Variants in DNM3 observed in about 807,000 individuals in gnomAD.
The protein encoded by DNM3 is dynamin-3.
DNM3 carries 47 observed loss-of-function variants against 101.6 expected under a neutral mutation model. That is an observed-to-expected ratio of 0.46 (90% CI 0.37 to 0.59). The LOEUF (loss-of-function observed/expected upper bound fraction) is 0.59, where lower values mean the gene tolerates loss of function less well. Ranked by LOEUF, DNM3 falls within the 20% of genes least tolerant of loss-of-function variation. The pLI is 0.00. For synonymous variants in DNM3, 385 were observed against 387.9 expected (o/e 0.99, Z 0.09); for missense variants, 849 against 1,085.7 (o/e 0.78, Z 3.06).
intron 17 of DNM3, among the ~76,000 whole-genome samples, chr1:172,328,416 C>A (rs181119276): frequency 2.2e-4 from 33 of 152,242 alleles, no homozygotes; most frequent in Non-Finnish European, 7.4e-5. Context: ...AAATGTGGCA[C>A]ATATACACCA....
chr1:172,160,406 A>G (rs1281211217), intron 14 of DNM3, among the ~76,000 whole-genome samples: 1 of 151,996 alleles, frequency 6.6e-6, no homozygotes, highest in African/African-American at 2.4e-5. Context: ...TCCTTATTCT[A>G]TATTCTTTTT....
chr1:172,249,353 G>T (rs1222045798), intron 14 of DNM3, among the ~76,000 whole-genome samples: 1 of 152,088 alleles, frequency 6.6e-6, no homozygotes, highest in Non-Finnish European at 1.5e-5. Context: ...ACTACTCATT[G>T]TTCAGTTACT....
chr1:172,226,538 G>A (rs2061128974), intron 14 of DNM3, among the ~76,000 whole-genome samples: 2 of 152,174 alleles, frequency 1.3e-5, no homozygotes, highest in African/African-American at 2.4e-5. Flanking sequence ...GGACCCTGGA[G>A]CCTGCTCCCT....
At chr1:172,115,899 C>T (rs557612209) in intron 13 of DNM3, among the ~76,000 whole-genome samples, 1 of 152,052 alleles carries the variant, frequency 6.6e-6, no homozygotes, top group South Asian at 2.1e-4. Context: ...TGGTTATTGT[C>T]TATTGCTGAA....
intron 1 of DNM3, among the ~76,000 whole-genome samples, chr1:171,915,184 G>T (rs540890987): frequency 6.6e-6 from 1 of 152,324 alleles, no homozygotes; most frequent in South Asian, 2.1e-4. Context: ...CTATGCCTCT[G>T]ATGTAGGGTT....
intron 14 of DNM3, among the ~76,000 whole-genome samples, chr1:172,174,058 A>G (rs181895397): frequency 6.6e-6 from 1 of 151,874 alleles, no homozygotes; most frequent in African/African-American, 2.4e-5. Context: ...TGTTAATAAT[A>G]GTATGTCATA....
chr1:172,245,320 T>C (rs1192603757), intron 14 of DNM3, among the ~76,000 whole-genome samples: 2 of 152,132 alleles, frequency 1.3e-5, no homozygotes, highest in African/African-American at 4.8e-5. Context: ...AGGCAGAGCA[T>C]AGACACACTT....
At chr1:171,891,256 C>T (rs952499297) in intron 1 of DNM3, among the ~76,000 whole-genome samples, 20 of 151,844 alleles carry the variant, frequency 1.3e-4, no homozygotes, top group Admixed American at 6.6e-4. Context: ...ATACAGTAAA[C>T]ATCACAGCTT....
downstream of DNM3, among the ~76,000 whole-genome samples, chr1:172,414,900 TCTA>T (rs1404528548): frequency 2.8e-5 from 1 of 36,246 alleles, no homozygotes; most frequent in Non-Finnish European, 6.6e-5. Flanking sequence ...AGACCTCATC[TCTA>T]AAAAAAAAAA....
At position 171,885,257 on chromosome 1, in the gene DNM3, T is replaced by G. The variant is rs75310518; in HGVS notation, c.162-36491T>G. 4.8e-3 allele frequency among the ~76,000 whole-genome samples: 735 copies of G among 152,248 alleles called. 1 individual carries two copies. Among genetic ancestry groups the G allele is most frequent in the Middle Eastern group, 0.044 (13 of 294 alleles). ...AGATTGTTTTACGGAAAAATAAAAT[T>G]TCTTACCTCCTAAGCAAAACATCAA... On this transcript the variant is annotated intron_variant, in intron 1 of 20. Coordinates refer to ENST00000627582, the MANE Select transcript of DNM3 (RefSeq NM_015569.5).
chr1:172,379,233 G>C, intron 18 of DNM3, 51 bp downstream of exon 18: 1 of 1,416,670 alleles, frequency 7.1e-7, no homozygotes, highest in Non-Finnish European at 9.6e-7. Flanking sequence ...TCCGAGTGTG[G>C]AAGTTGCACA....
At chr1:172,232,714 A>G (rs1403192642) in intron 14 of DNM3, among the ~76,000 whole-genome samples, 1 of 152,240 alleles carries the variant, frequency 6.6e-6, no homozygotes, top group Non-Finnish European at 1.5e-5. Flanking sequence ...CAATCAAGCT[A>G]GAACTCAGGA....
In DNM3 at chr1:172,403,415, G is replaced by T. The variant is rs552561942; in HGVS notation, c.2523-4357G>T. On this transcript the variant is annotated intron_variant, in intron 20 of 20. Coordinates refer to ENST00000627582, the MANE Select transcript of DNM3 (RefSeq NM_015569.5). ...TCTCCCTTAACTCCTGTTAAAATGG[G>T]CCTCATATCATGAACACTCAGGACC... 7.9e-5 allele frequency among the ~76,000 whole-genome samples: 12 copies of T among 152,164 alleles called. No homozygotes were observed. In the South Asian group the frequency reaches 2.3e-3, roughly 29 times the overall value.
chr1:172,211,150 T>C (rs1365113318), intron 14 of DNM3, among the ~76,000 whole-genome samples: 1 of 152,102 alleles, frequency 6.6e-6, no homozygotes, highest in Admixed American at 6.6e-5. Flanking sequence ...TATAAAGATA[T>C]TTAGGAAGCA....
At chr1:171,874,040 G>A (rs990802183) in intron 1 of DNM3, among the ~76,000 whole-genome samples, 7 of 152,106 alleles carry the variant, frequency 4.6e-5, no homozygotes, top group Non-Finnish European at 8.8e-5. Context: ...ACATTATTTA[G>A]TAAACGGTAG....
intron 14 of DNM3, among the ~76,000 whole-genome samples, chr1:172,212,073 T>C (rs1418872345): frequency 6.6e-6 from 1 of 152,160 alleles, no homozygotes; most frequent in Non-Finnish European, 1.5e-5. Flanking sequence ...TTTATTCACC[T>C]AATAGAAATA....
chr1:171,892,523 TCATC>T (rs2037381143), intron 1 of DNM3, among the ~76,000 whole-genome samples: 3 of 152,244 alleles, frequency 2.0e-5, no homozygotes, highest in Admixed American at 1.3e-4. Flanking sequence ...CAATTCTAAT[TCATC>T]ACCACATGGA....
chr1:172,027,613 C>G (rs61433811), intron 4 of DNM3, among the ~76,000 whole-genome samples: 1 of 141,308 alleles, frequency 7.1e-6, no homozygotes, highest in African/African-American at 2.8e-5. Context: ...CACACACACA[C>G]ACACAGAGAG....
At chr1:172,403,071 G>T (rs1197271981) in intron 20 of DNM3, among the ~76,000 whole-genome samples, 1 of 152,100 alleles carries the variant, frequency 6.6e-6, no homozygotes, top group Non-Finnish European at 1.5e-5. Flanking sequence ...TCTGATGCAA[G>T]GTCCAATTTG....
Sources: allele counts gnomAD v4.1 joint callset (sites outside exome capture counted in the v4.1 genomes callset), GRCh38; gene constraint gnomAD v4.1.1; transcripts MANE v1.5; gene names NCBI Gene and HGNC (gene_info 2026-07-23, HGNC 2026-07-21).